Variants in COG5 observed in about 807,000 individuals in gnomAD.
COG5 encodes conserved oligomeric Golgi complex subunit 5.
A neutral mutation model predicts 110.4 loss-of-function variants in COG5; 86 were observed. That is an observed-to-expected ratio of 0.78 (90% CI 0.65 to 0.93). COG5 has a LOEUF of 0.93. COG5 is among the 40% of genes least tolerant of loss of function. The pLI, the probability that COG5 is intolerant of heterozygous loss-of-function variation, is 0.00. For missense variants in COG5, 1,077 were observed against 987.0 expected, an observed-to-expected ratio of 1.09 and a Z score of -1.22; for synonymous variants, 360 against 334.6, an observed-to-expected ratio of 1.08 and a Z score of -0.83.
intron 6 of COG5, among the ~76,000 whole-genome samples, chr7:107,414,882 G>A (rs1039293484): frequency 2.0e-5 from 3 of 151,262 alleles, no homozygotes; most frequent in Admixed American, 2.0e-4. Flanking sequence ...TGCACGTCAC[G>A]ACGCCTGGCT....
intron 1 of COG5, 23 bp downstream of exon 1, chr7:107,563,780 C>A: frequency 6.2e-7 from 1 of 1,613,618 alleles, no homozygotes; most frequent in South Asian, 1.1e-5. Flanking sequence ...ACCCCACGAC[C>A]TGGTCAGACC....
At chr7:107,468,634 T>C (rs767040036) in intron 6 of COG5, among the ~76,000 whole-genome samples, 2 of 152,180 alleles carry the variant, frequency 1.3e-5, no homozygotes, top group Non-Finnish European at 2.9e-5. Flanking sequence ...TCAACTTCTA[T>C]AGAAATGCAA....
chr7:107,384,768 C>T (rs10270528), intron 7 of COG5, among the ~76,000 whole-genome samples: 14,763 of 152,116 alleles, frequency 0.097, 1,800 homozygotes, highest in African/African-American at 0.28. Context: ...TGTCTGTAAG[C>T]AAGAAGCAGA....
At chr7:107,481,348 A>G (rs1158149384) in intron 6 of COG5, among the ~76,000 whole-genome samples, 1 of 152,192 alleles carries the variant, frequency 6.6e-6, no homozygotes, top group Non-Finnish European at 1.5e-5. Flanking sequence ...TAATACTCAT[A>G]AGATTTGAAA....
chr7:107,536,628 G>A (rs188625051), intron 5 of COG5, among the ~76,000 whole-genome samples: 256 of 152,240 alleles, frequency 1.7e-3, no homozygotes, highest in African/African-American at 5.9e-3. Flanking sequence ...CGAACAAATG[G>A]AAAAACATTC....
chr7:107,339,774 G>C (rs114819414), intron 10 of COG5, among the ~76,000 whole-genome samples: 1 of 151,734 alleles, frequency 6.6e-6, no homozygotes, highest in African/African-American at 2.4e-5. Context: ...ATGACTTTTG[G>C]GCAAGCAGTG....
Position 107,380,825 on chromosome 7 carries a change from C to A in COG5, c.670-8065G>T, listed in dbSNP as rs534416108. ...CTCATTTTATGAGGCCAGCATCATC[C>A]TGATACCAAAACCTGGCAGAGACAC... On this transcript the variant is annotated intron_variant, in intron 7 of 21. Transcript: ENST00000297135. Among the ~76,000 whole-genome samples, 7 of 152,164 alleles carry A rather than the reference C, an allele frequency of 4.6e-5. No individual in the cohort carries two copies. In the East Asian group the frequency reaches 1.4e-3, roughly 29 times the overall value.
At chr7:107,427,025 T>C (rs1015208125) in intron 6 of COG5, among the ~76,000 whole-genome samples, 3 of 152,186 alleles carry the variant, frequency 2.0e-5, no homozygotes, top group Admixed American at 6.5e-5. Context: ...CTGACTACTA[T>C]TCGATAATAT....
At chr7:107,274,295 C>T (rs979766103) in intron 14 of COG5, among the ~76,000 whole-genome samples, 1 of 152,216 alleles carries the variant, frequency 6.6e-6, no homozygotes, top group Admixed American at 6.5e-5. Context: ...CATAGCGAAA[C>T]CCTGTCTCTA....
chr7:107,288,951 T>G (rs1432926789), intron 12 of COG5, among the ~76,000 whole-genome samples: 2 of 113,422 alleles, frequency 1.8e-5, no homozygotes, highest in Non-Finnish European at 3.6e-5. Context: ...TATATATATA[T>G]ATATATATAT....
At chr7:107,303,977 G>A (rs929697480) in intron 11 of COG5, among the ~76,000 whole-genome samples, 1 of 151,668 alleles carries the variant, frequency 6.6e-6, no homozygotes, top group Admixed American at 6.6e-5. Context: ...TTACAACACA[G>A]GCACAAATGT....
intron 6 of COG5, chr7:107,470,463 T>C (rs534727366): frequency 2.0e-5 from 3 of 152,264 alleles, no homozygotes; most frequent in South Asian, 2.1e-4. Context: ...TTGTTCCTAT[T>C]ATAGTATACA....
intron 5 of COG5, among the ~76,000 whole-genome samples, chr7:107,536,789 G>A (rs1199685625): frequency 6.6e-6 from 1 of 152,118 alleles, no homozygotes; most frequent in Non-Finnish European, 1.5e-5. Context: ...AACCAAAAAA[G>A]AGCCCATATA....
At chr7:107,431,565 G>A (rs1563030912) in intron 6 of COG5, among the ~76,000 whole-genome samples, 2 of 152,132 alleles carry the variant, frequency 1.3e-5, no homozygotes, top group East Asian at 1.9e-4. Context: ...TTTATTTGGG[G>A]CATCATCAAA....
Position 107,220,815 on chromosome 7 carries a change from CTT to C in COG5, c.2169-9592_2169-9591del, listed in dbSNP as rs1168926155. Among the ~76,000 whole-genome samples, 229 of 123,924 alleles carry C rather than the reference CTT, an allele frequency of 1.8e-3. 2 individuals carry two copies. The highest frequency in any genetic ancestry group is 6.3e-3 in the African/African-American group (205 of 32,430). 81.3% of individuals were successfully genotyped at this position (123,924 alleles called of 152,430 possible). A position where few individuals can be genotyped will look rare whatever the true frequency, so the allele number is the denominator to read the frequency against. On this transcript the variant is annotated intron_variant, in intron 19 of 21. Transcript: ENST00000297135. ...CAAAGGATAGCGGGACTCATGCCTT[CTT>C]TTTTTTTTTTTTTTTTTTTTGAGGC...
intron 7 of COG5, among the ~76,000 whole-genome samples, chr7:107,390,750 G>C (rs537348144): frequency 6.7e-6 from 1 of 148,272 alleles, no homozygotes; most frequent in Non-Finnish European, 1.5e-5. Flanking sequence ...GTCTTATCTA[G>C]GATGCAAAGC....
intron 5 of COG5, among the ~76,000 whole-genome samples, chr7:107,534,656 C>T (rs1371560607): frequency 6.6e-6 from 1 of 150,768 alleles, no homozygotes; most frequent in Non-Finnish European, 1.5e-5. Context: ...ACAGGACCAC[C>T]CAGATTCATA....
chr7:107,321,592 C>T (rs1355717597), intron 11 of COG5, among the ~76,000 whole-genome samples: 31 of 152,220 alleles, frequency 2.0e-4, no homozygotes, highest in Non-Finnish European at 4.4e-5. Flanking sequence ...AAAAATGGAA[C>T]CAAACAGAGT....
At chr7:107,403,563 G>A (rs926620906) in intron 7 of COG5, among the ~76,000 whole-genome samples, 6 of 146,666 alleles carry the variant, frequency 4.1e-5, no homozygotes, top group African/African-American at 1.0e-4. Context: ...AACAGGCCCC[G>A]GTGTGTGATG....
Sources: gnomAD v4.1 joint callset for allele counts (sites outside exome capture counted in the v4.1 genomes callset) on GRCh38, gnomAD v4.1.1 for gene constraint, MANE v1.5 for transcripts, NCBI Gene and HGNC (gene_info 2026-07-23, HGNC 2026-07-21) for gene names.